CD99L2: variants seen among roughly 807,000 people sequenced by gnomAD.
CD99L2 encodes CD99 molecule like 2.
In CD99L2, 24 loss-of-function variants were observed where a neutral mutation model predicts 27.3. That is an observed-to-expected ratio of 0.88 (90% CI 0.64 to 1.24). CD99L2 has a LOEUF of 1.24. Among genes scored for constraint, CD99L2 ranks in the 50% most tolerant of loss-of-function variants. The probability of loss-of-function intolerance (pLI) is 0.00; values close to 1 mark genes in which losing one functional copy is unlikely to be tolerated. For missense variants in CD99L2, 255 were observed against 221.6 expected (o/e 1.15, Z -0.96); for synonymous variants, 97 against 87.9 (o/e 1.10, Z -0.58).
At chrX:150,791,866 A>G (rs1031116547) in intron 7 of CD99L2, among the ~76,000 whole-genome samples, 14 of 111,619 alleles carry the variant, frequency 1.3e-4, no homozygotes, top group African/African-American at 4.6e-4. Context: ...TCTTCCTGAG[A>G]AAAAAAATCC....
chrX:150,863,414 A>C (rs1557421960), intron 1 of CD99L2, among the ~76,000 whole-genome samples: 1 of 112,359 alleles, frequency 8.9e-6, no homozygotes, highest in Non-Finnish European at 1.9e-5. Flanking sequence ...TCAGATGAGA[A>C]GACTAAAGCA....
Position 150,898,545 on chromosome X carries a change from G to A in CD99L2, c.44C>T (p.Ser15Phe). ...RSAFLVCLAF[S>F]LATLVQRGSG... ...ACCTCGCTGGACCAGGGTGGCCAAG[G>A]AGAAAGCGAGGCAGACAAGGAACGC... Residue 15 changes from serine (S) to phenylalanine (F), a missense_variant, in exon 1 of 11, where the codon TCC becomes TTC. By Grantham distance (155) the Ser-to-Phe change is radical. Transcript: ENST00000370377. 1 of 1,116,571 alleles carries A rather than the reference G, an allele frequency of 9.0e-7. No homozygotes were observed. The highest frequency in any genetic ancestry group is 1.2e-6 in the Non-Finnish European group (1 of 850,597). 92.0% of individuals were successfully genotyped at this position (1,116,571 alleles called of 1,213,427 possible). A position where few individuals can be genotyped will look rare whatever the true frequency, so the allele number is the denominator to read the frequency against.
At chrX:150,863,522 GCCACATAAACTTCCAGGCTGGCT>G in intron 1 of CD99L2, among the ~76,000 whole-genome samples, 1 of 112,322 alleles carries the variant, frequency 8.9e-6, no homozygotes, top group East Asian at 2.8e-4. Context: ...AAGAGGAGCA[GCCACATAAACTTCCAGGCTGGCT>G]CATGATTGGG....
intron 4 of CD99L2, 82 bp downstream of exon 4, chrX:150,814,780 G>T: frequency 1.1e-6 from 1 of 937,528 alleles, no homozygotes; most frequent in Non-Finnish European, 1.5e-6. Flanking sequence ...GCCAAGCCCA[G>T]ACTGACTCTG....
intron 2 of CD99L2, among the ~76,000 whole-genome samples, chrX:150,822,746 A>G (rs58265384): frequency 0.19 from 21,106 of 111,819 alleles, 1,524 homozygotes; most frequent in African/African-American, 0.26. Context: ...ATCATGTTAT[A>G]TACCTCAAAT....
At chrX:150,790,195 G>A (rs571227808) in intron 7 of CD99L2, among the ~76,000 whole-genome samples, 1 of 110,203 alleles carries the variant, frequency 9.1e-6, no homozygotes, top group Admixed American at 9.7e-5. Context: ...AACTAGACTA[G>A]GGTTGAGGGA....
intron 1 of CD99L2, among the ~76,000 whole-genome samples, chrX:150,894,301 G>A (rs1026693520): frequency 2.7e-5 from 3 of 111,639 alleles, no homozygotes; most frequent in African/African-American, 6.5e-5. Context: ...TGCTCACTTG[G>A]AGCCAGGTGC....
At chrX:150,870,314 A>G (rs2047136981) in intron 1 of CD99L2, among the ~76,000 whole-genome samples, 1 of 111,698 alleles carries the variant, frequency 9.0e-6, no homozygotes. Context: ...GGACTAACAG[A>G]CAGCCAAAGA....
Position 150,794,546 on chromosome X carries a change from T to C in CD99L2, c.430+660A>G, listed in dbSNP as rs188272367. Reference sequence around the variant, plus strand: ...TAAAAGGTCCACTGAAAGGACAAGATAGTCCCACGGAACCAAGTGTGGAAA... The same window carrying C: ...TAAAAGGTCCACTGAAAGGACAAGACAGTCCCACGGAACCAAGTGTGGAAA... On this transcript the variant is annotated intron_variant, in intron 6 of 10. Transcript: ENST00000370377. Among the ~76,000 whole-genome samples, 13 of 112,505 alleles carry C rather than the reference T, an allele frequency of 1.2e-4. No individual in the cohort carries two copies. In the East Asian group the frequency reaches 1.4e-3, roughly 12 times the overall value.
rs372863487 is a variant in CD99L2 at position 150,770,384 on chromosome X, G to A, written c.656-15C>T. ...GTTGAGACCCTCTGCAAAGGGAAAA[G>A]GGCAGAGTTAGTGATGCGCACAGGA... On this transcript the variant is annotated splice_polypyrimidine_tract_variant and intron_variant, in intron 9 of 10. Transcript: ENST00000370377. 114 of 1,204,136 alleles carry A rather than the reference G, an allele frequency of 9.5e-5. No homozygotes were observed. Among genetic ancestry groups the A allele is most frequent in the Non-Finnish European group, 1.2e-4 (111 of 889,844 alleles).
At chrX:150,793,523 C>T (rs1009503876) in intron 7 of CD99L2, among the ~76,000 whole-genome samples, 168 bp downstream of exon 7, 1 of 112,224 alleles carries the variant, frequency 8.9e-6, no homozygotes, top group Admixed American at 9.4e-5. Context: ...GCTTATAAAT[C>T]CCCCCCTTGA....
At chrX:150,777,522 C>CAGCTCAGGCTCGAGCTCAGGCTCG (rs3833403) in intron 7 of CD99L2, 40 bp from the exon 8 acceptor site, 2 of 1,198,797 alleles carry the variant, frequency 1.7e-6, no homozygotes, top group Admixed American at 4.6e-5. Context: ...AGCGACCAGC[C>CAGCTCAGGCTCGAGCTCAGGCTCG]AGCTCAGGCT....
intron 1 of CD99L2, among the ~76,000 whole-genome samples, chrX:150,849,163 C>T (rs782500025): frequency 2.7e-5 from 3 of 111,968 alleles, no homozygotes; most frequent in Middle Eastern, 4.6e-3. Flanking sequence ...AAATTCAACA[C>T]CTGTGTACAC....
rs1240177701 is a variant in CD99L2 at position 150,771,179 on chromosome X, A to AACCG, written c.656-814_656-811dup. On this transcript the variant is annotated intron_variant, in intron 9 of 10. Coordinates refer to ENST00000370377, the MANE Select transcript of CD99L2 (RefSeq NM_031462.4). ...TGTGGGAAAACTGGGGCATGGTTCCAACCGACCGACCGACCGACCAGGCAC... is the reference window on the plus strand; with the variant it reads ...TGTGGGAAAACTGGGGCATGGTTCCAACCGACCGACCGACCGACCGACCAGGCAC... Among the ~76,000 whole-genome samples, 20 of 112,072 alleles carry AACCG rather than the reference A, an allele frequency of 1.8e-4. 1 individual carries two copies. Among genetic ancestry groups the AACCG allele is most frequent in the South Asian group, 1.5e-3 (4 of 2,714 alleles).
chrX:150,773,595 C>T (rs1603284577), intron 9 of CD99L2, among the ~76,000 whole-genome samples: 1 of 112,317 alleles, frequency 8.9e-6, no homozygotes, highest in African/African-American at 3.2e-5. Flanking sequence ...AAAAGATCTG[C>T]GTGTGTCCTC....
At chrX:150,814,592 T>C (rs1439536996) in intron 4 of CD99L2, among the ~76,000 whole-genome samples, 1 of 112,774 alleles carries the variant, frequency 8.9e-6, no homozygotes, top group African/African-American at 3.2e-5. Context: ...TTAGTGTTGT[T>C]CATTTTAGAT....
intron 1 of CD99L2, among the ~76,000 whole-genome samples, chrX:150,839,340 A>G (rs1354572632): frequency 2.7e-5 from 3 of 111,677 alleles, no homozygotes; most frequent in African/African-American, 9.8e-5. Context: ...AAGTAGTGAG[A>G]GCCTGCAATC....
intron 7 of CD99L2, among the ~76,000 whole-genome samples, chrX:150,787,541 T>C (rs1557419593): frequency 1.8e-5 from 2 of 110,516 alleles, no homozygotes; most frequent in African/African-American, 6.6e-5. Flanking sequence ...GTGACACACA[T>C]ACACCATGAA....
chrX:150,863,393 C>G (rs1252451174), intron 1 of CD99L2, among the ~76,000 whole-genome samples: 1 of 112,208 alleles, frequency 8.9e-6, no homozygotes, highest in African/African-American at 3.2e-5. Flanking sequence ...AGGATGATCA[C>G]ACTCCTATTT....
Sources: allele counts gnomAD v4.1 joint callset (sites outside exome capture counted in the v4.1 genomes callset), GRCh38; gene constraint gnomAD v4.1.1; transcripts MANE v1.5; gene names NCBI Gene and HGNC (gene_info 2026-07-23, HGNC 2026-07-21).